Variants in NUBPL observed in about 807,000 individuals in gnomAD.
NUBPL encodes the protein NUBP iron-sulfur cluster assembly factor, mitochondrial.
A neutral mutation model predicts 45.7 loss-of-function variants in NUBPL; 31 were observed. The ratio of observed to expected loss-of-function variants is 0.68; its 90% CI spans 0.51 to 0.92. The LOEUF is 0.92. Among genes scored for constraint, NUBPL ranks in the 40% least tolerant of loss-of-function variants. The probability of loss-of-function intolerance (pLI) is 0.00; values close to 1 mark genes in which losing one functional copy is unlikely to be tolerated. For missense variants in NUBPL, 401 were observed against 398.7 expected (o/e 1.01, Z -0.05); for synonymous variants, 144 against 140.9 (o/e 1.02, Z -0.15).
At chr14:31,573,088 T>C (rs1030799567) in intron 3 of NUBPL, among the ~76,000 whole-genome samples, 2 of 152,200 alleles carry the variant, frequency 1.3e-5, no homozygotes, top group Non-Finnish European at 2.9e-5. Flanking sequence ...ATGTACACTT[T>C]TGTACAAGTA....
At chr14:31,763,311 A>G (rs1020075448) in intron 6 of NUBPL, among the ~76,000 whole-genome samples, 2 of 152,170 alleles carry the variant, frequency 1.3e-5, no homozygotes, top group African/African-American at 2.4e-5. Context: ...GCCTGAAGGT[A>G]CTAAAGTAAA....
At chr14:31,832,416 G>A (rs560749774) in intron 8 of NUBPL, among the ~76,000 whole-genome samples, 1 of 152,234 alleles carries the variant, frequency 6.6e-6, no homozygotes, top group Admixed American at 6.5e-5. Flanking sequence ...TGAGAGTTAT[G>A]ATGCCATTAA....
chr14:31,834,337 T>C (rs58227709), intron 8 of NUBPL, among the ~76,000 whole-genome samples: 2,059 of 152,048 alleles, frequency 0.014, 62 homozygotes, highest in East Asian at 0.11. Context: ...CCTGCCACCA[T>C]GCCTGGCTAA....
At chr14:31,636,700 G>T (rs1161770115) in intron 4 of NUBPL, among the ~76,000 whole-genome samples, 1 of 152,126 alleles carries the variant, frequency 6.6e-6, no homozygotes, top group Admixed American at 6.5e-5. Context: ...GTAGAATTCG[G>T]CTGTGAATCC....
intron 7 of NUBPL, among the ~76,000 whole-genome samples, chr14:31,814,895 T>C (rs1022191681): frequency 3.3e-5 from 5 of 152,132 alleles, no homozygotes; most frequent in Non-Finnish European, 5.9e-5. Context: ...CATTGGTCTG[T>C]ATCTCTGTTT....
chr14:31,691,639 G>A (rs534400716), intron 6 of NUBPL, among the ~76,000 whole-genome samples: 1 of 152,184 alleles, frequency 6.6e-6, no homozygotes, highest in Non-Finnish European at 1.5e-5. Context: ...TTGAGAATAA[G>A]AGTTTGAGGT....
intron 3 of NUBPL, among the ~76,000 whole-genome samples, chr14:31,567,183 A>C (rs913170920): frequency 2.0e-5 from 3 of 152,148 alleles, no homozygotes; most frequent in East Asian, 1.9e-4. Context: ...TAGCATGCTA[A>C]TGAAATGTCT....
chr14:31,706,654 C>T (rs1034642908), intron 6 of NUBPL, among the ~76,000 whole-genome samples: 3 of 152,194 alleles, frequency 2.0e-5, no homozygotes, highest in Non-Finnish European at 4.4e-5. Flanking sequence ...CTTTTCTCAG[C>T]AGCGAGGAGG....
At chr14:31,756,143 A>G (rs1299926009) in intron 6 of NUBPL, among the ~76,000 whole-genome samples, 7 of 152,046 alleles carry the variant, frequency 4.6e-5, no homozygotes, top group Middle Eastern at 3.4e-3. Context: ...TGATGCCTCC[A>G]GCTTTGTTCT....
At chr14:31,718,836 G>A (rs191372072) in intron 6 of NUBPL, among the ~76,000 whole-genome samples, 1 of 152,286 alleles carries the variant, frequency 6.6e-6, no homozygotes, top group East Asian at 1.9e-4. Context: ...TCAGCACGTA[G>A]TGTCTGCTCT....
chr14:31,743,643 G>A (rs914778850), intron 6 of NUBPL, among the ~76,000 whole-genome samples: 1 of 152,324 alleles, frequency 6.6e-6, no homozygotes, highest in Middle Eastern at 3.4e-3. Context: ...GCCTCCGAAA[G>A]TGCTGGGATT....
chr14:31,610,006 A>G (rs2034708012), intron 4 of NUBPL, among the ~76,000 whole-genome samples: 1 of 152,150 alleles, frequency 6.6e-6, no homozygotes, highest in Non-Finnish European at 1.5e-5. Context: ...TGCATCTTAA[A>G]GAACTAGAAA....
At chr14:31,637,511 A>G (rs148205786) in intron 4 of NUBPL, among the ~76,000 whole-genome samples, 1,609 of 152,272 alleles carry the variant, frequency 0.011, 24 homozygotes, top group African/African-American at 0.037. Flanking sequence ...ACTTCCAAGT[A>G]TGTGGTCAGT....
intron 4 of NUBPL, among the ~76,000 whole-genome samples, chr14:31,633,153 C>T (rs1043884696): frequency 2.0e-5 from 3 of 152,154 alleles, no homozygotes; most frequent in African/African-American, 7.2e-5. Flanking sequence ...GTATGCCACT[C>T]AGTTTGTGGA....
intron 3 of NUBPL, among the ~76,000 whole-genome samples, chr14:31,568,377 T>C (rs935771255): frequency 6.6e-6 from 1 of 152,220 alleles, no homozygotes; most frequent in Admixed American, 6.5e-5. Context: ...CCAGCACTTA[T>C]TTAACTTTAC....
Position 31,743,271 on chromosome 14 carries a change from A to G in NUBPL, c.514-44509A>G, listed in dbSNP as rs150991252. Among the ~76,000 whole-genome samples, 4 of 151,964 alleles carry G rather than the reference A, an allele frequency of 2.6e-5. No homozygotes were observed. In the East Asian group the frequency reaches 7.7e-4, roughly 29 times the overall value. The stretch of plus-strand genomic sequence containing the variant: ...ATCAGAATTGCAGTTCAGCTTCTCC[A>G]TTTCTTTAGCTAGGTTGCTGAATAT... On this transcript the variant is annotated intron_variant, in intron 6 of 10. Transcript: ENST00000281081.
chr14:31,682,755 A>G (rs780830805), intron 6 of NUBPL, among the ~76,000 whole-genome samples: 1 of 152,154 alleles, frequency 6.6e-6, no homozygotes, highest in African/African-American at 2.4e-5. Flanking sequence ...ATATTGTGCT[A>G]TTTAATATGT....
chr14:31,688,203 T>G (rs1017808444), intron 6 of NUBPL, among the ~76,000 whole-genome samples: 2 of 152,112 alleles, frequency 1.3e-5, no homozygotes, highest in Admixed American at 1.3e-4. Flanking sequence ...GGAAGAGGTT[T>G]CCCTTAAAAA....
At position 31,683,001 on chromosome 14, in the gene NUBPL, G is replaced by T. The variant is rs1422890057; in HGVS notation, c.513+9427G>T. Among the ~76,000 whole-genome samples the T allele has an allele frequency of 4.8e-5, 7 of 144,606 alleles. No homozygotes were observed. The Admixed American group carries it at 5.2e-4, about 11-fold the overall frequency. The allele number at this position is 144,606 out of a possible 152,430, so 94.9% of individuals were successfully genotyped here. Reference sequence around the variant, plus strand: ...GACAAGAGAGAGGAAGTGAGGCGGGGAGGAGGTGCTAGGTTCCTTTTTTTT... The same window carrying T: ...GACAAGAGAGAGGAAGTGAGGCGGGTAGGAGGTGCTAGGTTCCTTTTTTTT... On this transcript the variant is annotated intron_variant, in intron 6 of 10. Transcript: ENST00000281081.
Sources: gnomAD v4.1 joint callset for allele counts (sites outside exome capture counted in the v4.1 genomes callset) on GRCh38, gnomAD v4.1.1 for gene constraint, MANE v1.5 for transcripts, NCBI Gene and HGNC (gene_info 2026-07-23, HGNC 2026-07-21) for gene names.